The following FER variants were observed in gnomAD, a reference collection of about 807,000 sequenced individuals.
The protein encoded by FER is FER tyrosine kinase, also known as tyrosine-protein kinase Fer.
Under a neutral mutation model 111.0 loss-of-function variants are expected in FER, and 63 were observed. The ratio of observed to expected loss-of-function variants is 0.57; its 90% confidence interval spans 0.46 to 0.70. The LOEUF is 0.70. FER is among the 30% of genes least tolerant of loss of function. The probability of loss-of-function intolerance (pLI) is 0.00; values close to 1 mark genes in which losing one functional copy is unlikely to be tolerated. For missense variants in FER, 914 were observed against 954.0 expected (o/e 0.96, Z 0.55); for synonymous variants, 327 against 313.9 (o/e 1.04, Z -0.44).
chr5:108,997,827 C>T (rs1381351304), intron 13 of FER, among the ~76,000 whole-genome samples: 5 of 152,098 alleles, frequency 3.3e-5, no homozygotes, highest in Admixed American at 2.6e-4. Flanking sequence ...AGATGCCCTG[C>T]CCAGAGAGGA....
At chr5:109,153,679 T>G (rs1041531963) in intron 17 of FER, among the ~76,000 whole-genome samples, 3 of 151,882 alleles carry the variant, frequency 2.0e-5, no homozygotes, top group East Asian at 3.9e-4. Context: ...TTTTACTAAT[T>G]TAATCCTCAC....
At chr5:108,847,973 G>T (rs114311829) in intron 5 of FER, among the ~76,000 whole-genome samples, 2,908 of 151,904 alleles carry the variant, frequency 0.019, 56 homozygotes, top group South Asian at 0.033. Flanking sequence ...CTGCAGCCTC[G>T]AACTCCTGGG....
At position 109,044,800 on chromosome 5, in the gene FER, G is replaced by A. The variant is rs1561819026; in HGVS notation, c.1829+5G>A. On this transcript the variant is annotated splice_donor_5th_base_variant and intron_variant, in intron 15 of 19. Transcript: ENST00000281092. ...AAAATTTTTACAAGAAGCCAAGTGA[G>A]TTATTTAAAGTAATCAAAATATGTA... The A allele has an allele frequency of 7.8e-7, 1 of 1,287,610 alleles. No individual in the cohort carries two copies. Among genetic ancestry groups the A allele is most frequent in the Admixed American group, 2.2e-5 (1 of 45,094 alleles). The allele number at this position is 1,287,610 out of a possible 1,614,324, so 79.8% of individuals were successfully genotyped here.
intron 13 of FER, among the ~76,000 whole-genome samples, chr5:109,003,255 G>A (rs1765044287): frequency 6.6e-6 from 1 of 152,154 alleles, no homozygotes; most frequent in Admixed American, 6.5e-5. Context: ...AAGAAAATGT[G>A]GCACATATAC....
intron 10 of FER, among the ~76,000 whole-genome samples, chr5:108,913,685 T>G (rs1751866932): frequency 6.6e-6 from 1 of 152,230 alleles, no homozygotes; most frequent in Non-Finnish European, 1.5e-5. Flanking sequence ...ATACATATGC[T>G]CTCAAAAAGG....
intron 10 of FER, among the ~76,000 whole-genome samples, chr5:108,907,010 A>G (rs1030023902): frequency 1.3e-5 from 2 of 152,212 alleles, no homozygotes; most frequent in South Asian, 4.1e-4. Flanking sequence ...TCCTGGGTTT[A>G]ATTGCCTTTA....
At chr5:108,945,575 G>A (rs568824566) in intron 10 of FER, among the ~76,000 whole-genome samples, 1 of 151,352 alleles carries the variant, frequency 6.6e-6, no homozygotes, top group Non-Finnish European at 1.5e-5. Context: ...CCTCCCACCC[G>A]CCTTTCTCCT....
At position 108,908,715 on chromosome 5, in the gene FER, C is replaced by T. The variant is rs533450102; in HGVS notation, c.1236+10867C>T. Among the ~76,000 whole-genome samples the T allele has an allele frequency of 8.3e-5, 12 of 143,794 alleles. No individual in the cohort carries two copies. In the South Asian group the frequency reaches 1.5e-3, roughly 18 times the overall value. The allele number at this position is 143,794 out of a possible 152,430, so 94.3% of individuals were successfully genotyped here. On this transcript the variant is annotated intron_variant, in intron 10 of 19. Transcript: ENST00000281092. ...TAGCCTGGGCGAGTGAGCGAGACTCCGTCTCAAAAAAAAAAAAAAAAAAAA... is the reference window on the plus strand; with the variant it reads ...TAGCCTGGGCGAGTGAGCGAGACTCTGTCTCAAAAAAAAAAAAAAAAAAAA...
chr5:109,059,288 C>CT (rs1774068015), intron 16 of FER, among the ~76,000 whole-genome samples: 2 of 151,504 alleles, frequency 1.3e-5, no homozygotes, highest in Admixed American at 1.3e-4. Context: ...ACTAAATAGA[C>CT]TTGGTTAGCT....
intron 17 of FER, among the ~76,000 whole-genome samples, chr5:109,146,932 A>G (rs1754285432): frequency 6.6e-6 from 1 of 152,120 alleles, no homozygotes; most frequent in Non-Finnish European, 1.5e-5. Context: ...AGATTTAGTA[A>G]TATGATAAGG....
intron 16 of FER, among the ~76,000 whole-genome samples, chr5:109,068,790 C>G (rs1775426247): frequency 6.6e-6 from 1 of 152,136 alleles, no homozygotes. Flanking sequence ...TTAACTCATT[C>G]TGAGTTCTTA....
intron 1 of FER, among the ~76,000 whole-genome samples, chr5:108,765,849 G>A (rs1444657493): frequency 2.0e-5 from 3 of 152,080 alleles, no homozygotes; most frequent in Non-Finnish European, 4.4e-5. Flanking sequence ...AGCTGTATGA[G>A]TAATACTGTT....
chr5:108,897,476 T>A (rs1462997672), intron 9 of FER, among the ~76,000 whole-genome samples, 183 bp from the exon 10 acceptor site: 1 of 152,216 alleles, frequency 6.6e-6, no homozygotes, highest in Non-Finnish European at 1.5e-5. Context: ...CTTCATTATA[T>A]TTTGTTAATG....
intron 18 of FER, among the ~76,000 whole-genome samples, chr5:109,184,761 C>G (rs1758677855): frequency 1.3e-5 from 2 of 152,232 alleles, no homozygotes; most frequent in Admixed American, 6.5e-5. Context: ...CTACTTCACA[C>G]AGCTGGAGCT....
rs796607422 is a variant in FER at position 108,793,683 on chromosome 5, T to G, written c.-59-4441T>G. Among the ~76,000 whole-genome samples, 3 of 152,140 alleles carry G rather than the reference T, an allele frequency of 2.0e-5. No individual in the cohort carries two copies. The South Asian group carries it at 6.2e-4, about 31-fold the overall frequency. On this transcript the variant is annotated intron_variant, in intron 2 of 19. Coordinates refer to ENST00000281092, the MANE Select transcript of FER (RefSeq NM_005246.4). ...TCTTTTCTACATCCTTACTATTTGT[T>G]TTCTGGTTGTTTTATGGTCTTTTTC...
At chr5:108,890,439 A>C (rs907850134) in intron 9 of FER, among the ~76,000 whole-genome samples, 1 of 152,046 alleles carries the variant, frequency 6.6e-6, no homozygotes, top group Non-Finnish European at 1.5e-5. Flanking sequence ...GAGAACTCCA[A>C]AGGAGAATCT....
At chr5:108,752,959 T>G (rs901328683) in intron 1 of FER, among the ~76,000 whole-genome samples, 28 of 152,088 alleles carry the variant, frequency 1.8e-4, no homozygotes, top group Admixed American at 5.2e-4. Flanking sequence ...CCATTTATTT[T>G]AGAGTCAGAT....
At chr5:108,911,900 A>G (rs1356758153) in intron 10 of FER, among the ~76,000 whole-genome samples, 2 of 152,122 alleles carry the variant, frequency 1.3e-5, no homozygotes, top group Admixed American at 6.5e-5. Flanking sequence ...CTCATCTTGA[A>G]TTGTAGCTCC....
intron 13 of FER, among the ~76,000 whole-genome samples, chr5:108,977,522 G>T (rs1242284167): frequency 6.6e-6 from 1 of 152,052 alleles, no homozygotes; most frequent in Non-Finnish European, 1.5e-5. Context: ...TAGTTCAAGG[G>T]TCAACTGTAT....
Sources: allele counts gnomAD v4.1 joint callset (sites outside exome capture counted in the v4.1 genomes callset), GRCh38; gene constraint gnomAD v4.1.1; transcripts MANE v1.5; gene names NCBI Gene and HGNC (gene_info 2026-07-23, HGNC 2026-07-21).